Variants in IGF2BP2 observed in about 807,000 individuals in gnomAD.
The protein encoded by IGF2BP2 is insulin like growth factor 2 mRNA binding protein 2, also known as insulin-like growth factor 2 mRNA-binding protein 2.
A neutral mutation model predicts 75.8 loss-of-function variants in IGF2BP2; 17 were observed. The ratio of observed to expected loss-of-function variants is 0.22; its 90% CI spans 0.15 to 0.34. The LOEUF (loss-of-function observed/expected upper bound fraction) is 0.34, where lower values mean the gene tolerates loss of function less well. IGF2BP2 is among the 10% of genes least tolerant of loss of function. The probability of loss-of-function intolerance (pLI) is 1.00; values close to 1 mark genes in which losing one functional copy is unlikely to be tolerated. For synonymous variants in IGF2BP2, 288 were observed against 295.6 expected, an observed-to-expected ratio of 0.97 and a Z score of 0.26; for missense variants, 516 against 772.4, an observed-to-expected ratio of 0.67 and a Z score of 3.93.
intron 2 of IGF2BP2, among the ~76,000 whole-genome samples, chr3:185,802,439 G>A (rs913727632): frequency 2.6e-5 from 4 of 152,100 alleles, no homozygotes; most frequent in Non-Finnish European, 5.9e-5. Context: ...CCTCAGAGCC[G>A]AGTTCATGAA....
intron 2 of IGF2BP2, among the ~76,000 whole-genome samples, chr3:185,770,882 C>G (rs983921117): frequency 6.6e-6 from 1 of 152,186 alleles, no homozygotes; most frequent in Admixed American, 6.5e-5. Flanking sequence ...TCTCTAGCAG[C>G]TAGGACTACA....
rs1013116910 is a variant in IGF2BP2 at position 185,643,600 on chromosome 3, C to G, written c.*1931G>C. On this transcript the variant is annotated 3_prime_UTR_variant, in exon 16 of 16. Coordinates refer to ENST00000382199, the MANE Select transcript of IGF2BP2 (RefSeq NM_006548.6). Reference sequence around the variant, plus strand: ...AGCTTCTCCCAAAGACTTTCCTGGGCAAAACCAGCTTTCTCAGAGTAGCTG... The same window carrying G: ...AGCTTCTCCCAAAGACTTTCCTGGGGAAAACCAGCTTTCTCAGAGTAGCTG... 1 of 152,346 alleles carries G rather than the reference C, an allele frequency of 6.6e-6. No homozygotes were observed. The highest frequency in any genetic ancestry group is 2.4e-5 in the African/African-American group (1 of 41,418). 9.4% of individuals were successfully genotyped at this position (152,346 alleles called of 1,614,324 possible). A position where few individuals can be genotyped will look rare whatever the true frequency, so the allele number is the denominator to read the frequency against.
At chr3:185,708,387 C>G (rs1724343741) in intron 2 of IGF2BP2, among the ~76,000 whole-genome samples, 1 of 152,154 alleles carries the variant, frequency 6.6e-6, no homozygotes, top group Non-Finnish European at 1.5e-5. Flanking sequence ...TTCTCAGCAT[C>G]AACCGCAACG....
chr3:185,702,215 G>A (rs1403784853), intron 2 of IGF2BP2, among the ~76,000 whole-genome samples: 2 of 152,152 alleles, frequency 1.3e-5, no homozygotes, highest in Non-Finnish European at 2.9e-5. Flanking sequence ...CAGGGGCTGA[G>A]AAGAGCACTC....
rs1412207126 is a variant in IGF2BP2, at chr3:185,716,988, G to A, written c.240-18641C>T. Reference sequence around the variant, plus strand: ...CCACCCAGTACTGTACATGCTCAATGGATGACTATAAACAAGTGAACAGAC... The same window carrying A: ...CCACCCAGTACTGTACATGCTCAATAGATGACTATAAACAAGTGAACAGAC... On this transcript the variant is annotated intron_variant, in intron 2 of 15. Transcript: ENST00000382199. 12 of 358,018 alleles carry A rather than the reference G, an allele frequency of 3.4e-5. No individual in the cohort carries two copies. In the East Asian group the frequency reaches 8.8e-4, roughly 26 times the overall value. The allele number at this position is 358,018 out of a possible 1,614,324, so 22.2% of individuals were successfully genotyped here. A position where few individuals can be genotyped will look rare whatever the true frequency, so the allele number is the denominator to read the frequency against.
chr3:185,787,069 T>C (rs1274010239), intron 2 of IGF2BP2, among the ~76,000 whole-genome samples: 4 of 152,228 alleles, frequency 2.6e-5, no homozygotes, highest in Non-Finnish European at 5.9e-5. Context: ...CTAACATTTT[T>C]TGAAATCTTA....
intron 10 of IGF2BP2, 87 bp downstream of exon 10, chr3:185,672,454 T>A: frequency 7.4e-7 from 1 of 1,350,166 alleles, no homozygotes; most frequent in Non-Finnish European, 1.0e-6. Flanking sequence ...AAATGAAAGC[T>A]TCCGTTCTGA....
chr3:185,706,370 C>G (rs1016320627), intron 2 of IGF2BP2, among the ~76,000 whole-genome samples: 1 of 152,166 alleles, frequency 6.6e-6, no homozygotes, highest in Admixed American at 6.5e-5. Flanking sequence ...CCACTGCACT[C>G]AAGCCTGGGC....
At chr3:185,658,676 G>A (rs1374398375) in intron 10 of IGF2BP2, among the ~76,000 whole-genome samples, 10 of 152,182 alleles carry the variant, frequency 6.6e-5, no homozygotes, top group East Asian at 1.9e-4. Context: ...TGCCTGAGGC[G>A]TCCTAGGAAC....
In IGF2BP2 at chr3:185,810,216, TTTTTGTTTTG is replaced by T. The variant is rs964174856; in HGVS notation, c.239+12927_239+12936del. ...GCCAACTATCAGAGTAGTCTGAGGC[TTTTTGTTTTG>T]TTTTGTTTTGTTTTATAAAAAGGTC... On this transcript the variant is annotated intron_variant, in intron 2 of 15. Transcript: ENST00000382199. 1.7e-4 allele frequency among the ~76,000 whole-genome samples: 26 copies of T among 152,332 alleles called. No individual in the cohort carries two copies. The South Asian group carries it at 3.5e-3, about 21-fold the overall frequency.
intron 2 of IGF2BP2, 50 bp downstream of exon 2, chr3:185,823,099 TTTAC>T: frequency 8.0e-7 from 1 of 1,257,494 alleles, no homozygotes; most frequent in Non-Finnish European, 1.1e-6. Context: ...GTGTACGTTT[TTTAC>T]TTATACGTAA....
intron 2 of IGF2BP2, among the ~76,000 whole-genome samples, chr3:185,791,574 A>G (rs568675609): frequency 6.6e-5 from 10 of 152,222 alleles, no homozygotes; most frequent in Non-Finnish European, 1.3e-4. Context: ...ACACCCAGAT[A>G]AAGATAAGAG....
At chr3:185,751,772 G>A (rs1184405100) in intron 2 of IGF2BP2, among the ~76,000 whole-genome samples, 1 of 152,034 alleles carries the variant, frequency 6.6e-6, no homozygotes, top group East Asian at 1.9e-4. Flanking sequence ...AGACCATCCT[G>A]GCCAACATGG....
intron 2 of IGF2BP2, among the ~76,000 whole-genome samples, chr3:185,762,851 C>T (rs2149703182): frequency 6.6e-6 from 1 of 152,298 alleles, no homozygotes; most frequent in East Asian, 1.9e-4. Flanking sequence ...GAACAATCTG[C>T]AGCAGCTATT....
At chr3:185,757,738 A>C (rs1017469243) in intron 2 of IGF2BP2, among the ~76,000 whole-genome samples, 19 of 152,172 alleles carry the variant, frequency 1.2e-4, no homozygotes, top group African/African-American at 4.1e-4. Flanking sequence ...CCGAGATTAC[A>C]GATATAAGCC....
chr3:185,711,445 T>C (rs1405303934), intron 2 of IGF2BP2, among the ~76,000 whole-genome samples: 2 of 152,186 alleles, frequency 1.3e-5, no homozygotes, highest in Non-Finnish European at 2.9e-5. Context: ...AGCGGCTGAT[T>C]CACACTATCT....
chr3:185,784,366 A>C (rs1225663105), intron 2 of IGF2BP2, among the ~76,000 whole-genome samples: 1 of 152,218 alleles, frequency 6.6e-6, no homozygotes, highest in Non-Finnish European at 1.5e-5. Flanking sequence ...AGAGAATTTC[A>C]GTAGAGATAT....
rs373493071 is a variant in IGF2BP2 at position 185,786,815 on chromosome 3, A to AC, written c.239+36337_239+36338insG. On this transcript the variant is annotated intron_variant, in intron 2 of 15. Coordinates refer to ENST00000382199, the MANE Select transcript of IGF2BP2 (RefSeq NM_006548.6). ...TCTGAAAGGACTCCCTGATCAAAAA[A>AC]GATTAGATCTACAGCAGGGGTCAGA... 1.7e-3 allele frequency among the ~76,000 whole-genome samples: 266 copies of AC among 152,336 alleles called. 2 individuals carry two copies. The highest frequency in any genetic ancestry group is 6.2e-3 in the African/African-American group (257 of 41,578).
chr3:185,808,587 T>A (rs1328361058), intron 2 of IGF2BP2, among the ~76,000 whole-genome samples: 1 of 152,124 alleles, frequency 6.6e-6, no homozygotes, highest in Non-Finnish European at 1.5e-5. Flanking sequence ...GGTCTCTCTC[T>A]CTCTCTCTAT....
Sources: allele counts gnomAD v4.1 joint callset (sites outside exome capture counted in the v4.1 genomes callset), GRCh38; gene constraint gnomAD v4.1.1; transcripts MANE v1.5; gene names NCBI Gene and HGNC (gene_info 2026-07-23, HGNC 2026-07-21).